The following PRKDC variants were observed in gnomAD, a reference collection of about 807,000 sequenced individuals.
PRKDC encodes protein kinase, DNA-activated, catalytic subunit, also known as DNA-dependent protein kinase catalytic subunit.
In PRKDC, 82 loss-of-function variants were observed where a neutral mutation model predicts 486.9. The observed-to-expected ratio is 0.17, with a 90% confidence interval of 0.14 to 0.20. PRKDC has a LOEUF of 0.20. Among genes scored for constraint, PRKDC ranks in the 10% least tolerant of loss-of-function variants. PRKDC has a pLI of 1.00. For missense variants in PRKDC, 4,504 were observed against 5,038.2 expected (o/e 0.89, Z 3.21); for synonymous variants, 1,895 against 1,837.0 (o/e 1.03, Z -0.81).
At chr8:47,883,040 T>C (rs2089254472) in intron 36 of PRKDC, among the ~76,000 whole-genome samples, 1 of 152,242 alleles carries the variant, frequency 6.6e-6, no homozygotes, top group Non-Finnish European at 1.5e-5. Context: ...CGACATACTG[T>C]ATCCAGCACC....
chr8:47,790,594 C>T (rs1375634672), intron 74 of PRKDC, among the ~76,000 whole-genome samples: 1 of 152,126 alleles, frequency 6.6e-6, no homozygotes, highest in Non-Finnish European at 1.5e-5. Flanking sequence ...AGACCCAGAG[C>T]AAAAAGCCAA....
Position 47,890,363 on chromosome 8 carries a change from G to A in PRKDC, c.3965C>T (p.Thr1322Ile), listed in dbSNP as rs747889965. Residue 1322 changes from threonine to isoleucine, a missense_variant, in exon 32 of 86, where the codon ACA (threonine) becomes ATA (isoleucine). Thr to Ile is a moderately conservative substitution (Grantham distance 89). This residue lies in a region of PRKDC where 1,969 missense variants were observed against 2,068.9 expected (regional missense o/e 0.95). Transcript: ENST00000314191. ...CFGTGAAGNR[T>I]SPQEGERYNY... ...GTACCTTTCTCCCTCTTGTGGGCTTGTTCTGTTACCTGCTGCCCCAGTGCC... is the reference window on the plus strand; with the variant it reads ...GTACCTTTCTCCCTCTTGTGGGCTTATTCTGTTACCTGCTGCCCCAGTGCC... 6.2e-7 allele frequency: 1 copy of A among 1,613,154 alleles called. No homozygotes were observed. The highest frequency in any genetic ancestry group is 1.7e-5 in the Admixed American group (1 of 59,928).
At chr8:47,832,325 G>A (rs539272210) in intron 59 of PRKDC, among the ~76,000 whole-genome samples, 25 of 152,278 alleles carry the variant, frequency 1.6e-4, no homozygotes, top group African/African-American at 5.8e-4. Flanking sequence ...CTCCTAACCC[G>A]TATGATTCCA....
chr8:47,945,456 TGA>T (rs777277906), intron 7 of PRKDC, among the ~76,000 whole-genome samples: 7 of 152,198 alleles, frequency 4.6e-5, no homozygotes, highest in Non-Finnish European at 7.3e-5. Flanking sequence ...TTTGTCTCTG[TGA>T]ATCTGACTAC....
chr8:47,833,328 C>T (rs986706855), intron 59 of PRKDC, among the ~76,000 whole-genome samples: 3 of 152,182 alleles, frequency 2.0e-5, no homozygotes, highest in Non-Finnish European at 2.9e-5. Context: ...AAGTTTACTT[C>T]CACAGAGCTG....
At chr8:47,797,295 G>GA (rs1224010527) in intron 73 of PRKDC, among the ~76,000 whole-genome samples, 1 of 151,964 alleles carries the variant, frequency 6.6e-6, no homozygotes, top group African/African-American at 2.4e-5. Context: ...TATTATATTG[G>GA]AAAAAAATAA....
intron 71 of PRKDC, among the ~76,000 whole-genome samples, chr8:47,799,762 G>T (rs746601816): frequency 1.3e-5 from 2 of 152,118 alleles, no homozygotes; most frequent in African/African-American, 4.8e-5. Context: ...AGAAGACAAG[G>T]CCCCACAACT....
At chr8:47,872,208 C>T (rs534793420) in intron 40 of PRKDC, among the ~76,000 whole-genome samples, 24 of 152,014 alleles carry the variant, frequency 1.6e-4, no homozygotes, top group Middle Eastern at 3.4e-3. Flanking sequence ...ATCAGTGTTC[C>T]GCTGTCAGCA....
chr8:47,843,693 G>A (rs2088203332), intron 54 of PRKDC, among the ~76,000 whole-genome samples: 1 of 152,112 alleles, frequency 6.6e-6, no homozygotes, highest in South Asian at 2.1e-4. Context: ...GCTACCAGCG[G>A]GCCTCTCAGC....
chr8:47,914,198 C>G (rs2089952757), intron 23 of PRKDC, 134 bp from the exon 24 acceptor site: 2 of 741,702 alleles, frequency 2.7e-6, no homozygotes, highest in Non-Finnish European at 3.7e-6. Flanking sequence ...TTCATCTTTC[C>G]CTTTTCTTTT....
chr8:47,858,516 C>G lies in PRKDC; in HGVS notation c.6465G>C (p.Glu2155Asp). The change falls in exon 48 of 86, where the codon GAG (glutamate) becomes GAC (aspartate). Residue 2155 changes from glutamate to aspartate, a missense_variant and splice_region_variant. Physicochemically the swap from Glu to Asp is conservative, Grantham distance 45 (BLOSUM62 2). This residue lies in a region of PRKDC where 1,592 missense variants were observed against 1,724.6 expected (regional missense o/e 0.92). Coordinates refer to ENST00000314191, the MANE Select transcript of PRKDC (RefSeq NM_006904.7). ...FLAKLVINTEEVFRPYAKHWL... is the reference protein window; with the variant it reads ...FLAKLVINTEDVFRPYAKHWL... Reference sequence around the variant, plus strand: ...AATAAAGAAATAATCAATTACTTACCTCTTCTGTATTAATAACAAGCTTGG... The same window carrying G: ...AATAAAGAAATAATCAATTACTTACGTCTTCTGTATTAATAACAAGCTTGG... 1.3e-6 allele frequency: 2 copies of G among 1,484,196 alleles called. No homozygotes were observed. The highest frequency in any genetic ancestry group is 1.8e-6 in the Non-Finnish European group (2 of 1,099,120). 91.9% of individuals were successfully genotyped at this position (1,484,196 alleles called of 1,614,324 possible). A position where few individuals can be genotyped will look rare whatever the true frequency, so the allele number is the denominator to read the frequency against.
intron 15 of PRKDC, 31 bp downstream of exon 15, chr8:47,933,934 T>C (rs1013901549): frequency 5.7e-6 from 9 of 1,589,188 alleles, no homozygotes; most frequent in South Asian, 1.1e-5. Context: ...GGAAGTAAGG[T>C]ACATTTATGG....
chr8:47,899,813 T>C (rs1008521911), intron 28 of PRKDC, among the ~76,000 whole-genome samples: 1 of 152,248 alleles, frequency 6.6e-6, no homozygotes, highest in African/African-American at 2.4e-5. Flanking sequence ...AACAACTCTA[T>C]GTAGTTCCTA....
chr8:47,819,481 G>T lies in PRKDC; in HGVS notation c.9366C>A (p.His3122Gln), dbSNP rs369119781. ...QNYSSIDVLLHQSRLTKLQSV... is the reference protein window; with the variant it reads ...QNYSSIDVLLQQSRLTKLQSV... The stretch of plus-strand genomic sequence containing the variant: ...ACTGCAATTTGGTGAGTCTACTTTG[G>T]TGTAAGAGGACATCAATACTAGAAT... The change falls in exon 67 of 86, where the codon CAC becomes CAA. Residue 3122 changes from histidine to glutamine, a missense_variant. Physicochemically the swap from His to Gln is conservative, Grantham distance 24. Around this residue, in one of 6 missense-constraint regions of PRKDC, gnomAD observed 1,592 missense variants for 1,724.6 expected, o/e 0.92. Coordinates refer to ENST00000314191, the MANE Select transcript of PRKDC (RefSeq NM_006904.7). 2 of 1,477,108 alleles carry T rather than the reference G, an allele frequency of 1.4e-6. No homozygotes were observed. The highest frequency in any genetic ancestry group is 1.8e-6 in the Non-Finnish European group (2 of 1,095,668). 91.5% of individuals were successfully genotyped at this position (1,477,108 alleles called of 1,614,324 possible). A position where few individuals can be genotyped will look rare whatever the true frequency, so the allele number is the denominator to read the frequency against.
At chr8:47,939,828 T>G in intron 10 of PRKDC, 131 bp from the exon 11 acceptor site, 1 of 782,480 alleles carries the variant, frequency 1.3e-6, no homozygotes, top group Non-Finnish European at 1.9e-6. Context: ...CTTTTAATCA[T>G]AAAGACCCTT....
At chr8:47,858,373 T>C in intron 48 of PRKDC, 143 bp downstream of exon 48, 2 of 737,490 alleles carry the variant, frequency 2.7e-6, no homozygotes, top group Non-Finnish European at 4.1e-6. Context: ...AGAACAAAAA[T>C]GTCATGCTCT....
chr8:47,775,205 AAAT>A (rs1563727308), intron 85 of PRKDC, among the ~76,000 whole-genome samples: 1 of 151,058 alleles, frequency 6.6e-6, no homozygotes, highest in African/African-American at 2.4e-5. Context: ...ATAAATAAAT[AAAT>A]AAATAAATTA....
rs545479220 is a variant in PRKDC, at chr8:47,788,944, C to G, written c.10864G>C (p.Ala3622Pro). Residue 3622 changes from alanine (A) to proline (P), a missense_variant, in exon 76 of 86, where the codon GCT becomes CCT. Around this residue, in one of 6 missense-constraint regions of PRKDC, gnomAD observed 706 missense variants for 945.0 expected, o/e 0.75. Coordinates refer to ENST00000314191, the MANE Select transcript of PRKDC (RefSeq NM_006904.7). ...RMYAALGDPKAPGLGAFRRKF... is the reference protein window; with the variant it reads ...RMYAALGDPKPPGLGAFRRKF... ...CTTCTAAAGGCCCCCAGGCCTGGAG[C>G]CTTTGGGTCACCCAAGGCTGCATAC... is the stretch of plus-strand genomic sequence containing the variant. The G allele has an allele frequency of 1.9e-6, 3 of 1,611,760 alleles. No homozygotes were observed. The highest frequency in any genetic ancestry group is 4.5e-5 in the East Asian group (2 of 44,844).
chr8:47,886,931 C>A (rs1472570573), intron 35 of PRKDC, among the ~76,000 whole-genome samples: 1 of 152,144 alleles, frequency 6.6e-6, no homozygotes, highest in East Asian at 1.9e-4. Context: ...CTCAAGCCAT[C>A]TGCCTACCCC....
Sources: gnomAD v4.1 joint callset for allele counts (sites outside exome capture counted in the v4.1 genomes callset) on GRCh38, gnomAD v4.1.1 for gene constraint, gnomAD v4.1.1 regional missense constraint, MANE v1.5 for transcripts, NCBI Gene and HGNC (gene_info 2026-07-23, HGNC 2026-07-21) for gene names.